ZNF215: variants seen among roughly 807,000 people sequenced by gnomAD.
The protein encoded by ZNF215 is BWSCR2-associated zinc finger protein 2.
In ZNF215, 24 loss-of-function variants were observed where a neutral mutation model predicts 27.2. The ratio of observed to expected loss-of-function variants is 0.88; its 90% CI spans 0.64 to 1.24. ZNF215 has a LOEUF of 1.24. Among genes scored for constraint, ZNF215 ranks in the 50% most tolerant of loss-of-function variants. The pLI is 0.00. For synonymous variants in ZNF215, 210 were observed against 204.0 expected (o/e 1.03, Z -0.25); for missense variants, 675 against 605.7 (o/e 1.11, Z -1.20).
chr11:6,967,694 T>G (rs1850650552), intron 5 of ZNF215, among the ~76,000 whole-genome samples: 1 of 152,196 alleles, frequency 6.6e-6, no homozygotes, highest in South Asian at 2.1e-4. Context: ...TTAGCCCTTT[T>G]TCAGGTGAAT....
At chr11:6,974,601 C>A (rs1290280374) in intron 5 of ZNF215, among the ~76,000 whole-genome samples, 1 of 152,014 alleles carries the variant, frequency 6.6e-6, no homozygotes, top group Non-Finnish European at 1.5e-5. Flanking sequence ...TTGAAGAGGT[C>A]CTTCACATCC....
intron 3 of ZNF215, among the ~76,000 whole-genome samples, chr11:6,939,507 A>G (rs1323690324): frequency 6.6e-6 from 1 of 152,232 alleles, no homozygotes; most frequent in Non-Finnish European, 1.5e-5. Flanking sequence ...ATATTTTTGC[A>G]TGAGAGAAAA....
At chr11:6,937,946 A>G (rs1225683351) in intron 3 of ZNF215, among the ~76,000 whole-genome samples, 1 of 151,948 alleles carries the variant, frequency 6.6e-6, no homozygotes, top group African/African-American at 2.4e-5. Context: ...TTGGTAATCA[A>G]TGCTTAGCTA....
chr11:6,977,842 C>T (rs944633432), intron 5 of ZNF215, among the ~76,000 whole-genome samples: 4 of 151,964 alleles, frequency 2.6e-5, no homozygotes, highest in Non-Finnish European at 1.5e-5. Context: ...GAGGGCAGAG[C>T]CCTAATGACC....
downstream of ZNF215, among the ~76,000 whole-genome samples, chr11:6,991,376 C>T (rs11041126): frequency 1.3e-5 from 2 of 152,242 alleles, no homozygotes; most frequent in East Asian, 1.9e-4. Flanking sequence ...TCTGGTTTCC[C>T]TAAGACACTG....
intron 3 of ZNF215, 125 bp downstream of exon 3, chr11:6,932,797 G>A (rs1849311883): frequency 1.4e-5 from 13 of 896,848 alleles, no homozygotes; most frequent in South Asian, 1.3e-4. Context: ...ACTCTATTAG[G>A]AAGCCTTGAC....
chr11:6,933,283 G>A (rs1849324346), intron 3 of ZNF215, among the ~76,000 whole-genome samples: 1 of 152,176 alleles, frequency 6.6e-6, no homozygotes, highest in South Asian at 2.1e-4. Flanking sequence ...ACATGTACTG[G>A]CCTGCATGAG....
downstream of ZNF215, among the ~76,000 whole-genome samples, chr11:6,959,490 A>C (rs1850470908): frequency 6.6e-6 from 1 of 152,230 alleles, no homozygotes; most frequent in African/African-American, 2.4e-5. Flanking sequence ...ACTCCAAAGG[A>C]GGAGAAAATC....
downstream of ZNF215, among the ~76,000 whole-genome samples, chr11:6,993,684 C>G (rs1034649631): frequency 2.0e-5 from 3 of 151,878 alleles, no homozygotes; most frequent in African/African-American, 7.3e-5. Context: ...ATTTTTTGTT[C>G]TTTCTTATGC....
chr11:6,955,870 A>G lies in ZNF215; in HGVS notation c.893A>G (p.Glu298Gly). The G allele has an allele frequency of 6.2e-7, 1 of 1,610,818 alleles. No individual in the cohort carries two copies. Among genetic ancestry groups the G allele is most frequent in the African/African-American group, 1.3e-5 (1 of 74,732 alleles). The stretch of plus-strand genomic sequence containing the variant: ...ATTCCTGAGACAATTTACACTGAGG[A>G]GGAAGATTTTGAATGTAGTGAAAAT... ...AFIPETIYTE[E>G]EDFECSENKK... Residue 298 changes from glutamate (E) to glycine (G), a missense_variant, in exon 7 of 7, where the codon GAG becomes GGG. Transcript: ENST00000278319.
chr11:6,933,951 G>T (rs1297497406), intron 3 of ZNF215, among the ~76,000 whole-genome samples: 3 of 152,154 alleles, frequency 2.0e-5, no homozygotes, highest in Non-Finnish European at 4.4e-5. Context: ...GAGGAGTATG[G>T]CAAAGTGATA....
At chr11:6,940,230 TAA>T (rs749709865) in intron 3 of ZNF215, among the ~76,000 whole-genome samples, 33 of 133,184 alleles carry the variant, frequency 2.5e-4, no homozygotes, top group Non-Finnish European at 2.5e-4. Flanking sequence ...AGACCCTCTT[TAA>T]AAAAAAAAAA....
At chr11:6,994,305 T>A (rs1234178420) in intron 6 of ZNF215, among the ~76,000 whole-genome samples, 1 of 152,128 alleles carries the variant, frequency 6.6e-6, no homozygotes, top group African/African-American at 2.4e-5. Context: ...AATCTTACCC[T>A]CTGGTGAATC....
At chr11:6,949,786 T>C (rs572137900) in intron 6 of ZNF215, among the ~76,000 whole-genome samples, 85 of 152,334 alleles carry the variant, frequency 5.6e-4, no homozygotes, top group South Asian at 4.6e-3. Context: ...CTTTTGGTGT[T>C]TTAGACATGA....
chr11:6,965,357 A>G (rs1305761055), intron 5 of ZNF215, among the ~76,000 whole-genome samples: 1 of 152,166 alleles, frequency 6.6e-6, no homozygotes, highest in Non-Finnish European at 1.5e-5. Context: ...AAACACGTGT[A>G]TAAAAGATGT....
In ZNF215 at chr11:6,941,428, G is replaced by A. The variant is rs913457841; in HGVS notation, c.401-143G>A. 22 of 632,612 alleles carry A rather than the reference G, an allele frequency of 3.5e-5. No homozygotes were observed. In the Admixed American group the frequency reaches 5.6e-4, roughly 16 times the overall value. The allele number at this position is 632,612 out of a possible 1,614,324, so 39.2% of individuals were successfully genotyped here. On this transcript the variant is annotated intron_variant, in intron 3 of 6. Transcript: ENST00000278319. ...GATCTAGGCCTGACCTTTGAAGATT[G>A]TGATTGCTGGCAGGGCCTGACATTA...
At chr11:6,941,454 T>C in intron 3 of ZNF215, 117 bp from the exon 4 acceptor site, 1 of 844,594 alleles carries the variant, frequency 1.2e-6, no homozygotes, top group Non-Finnish European at 1.8e-6. Context: ...CCTGACATTA[T>C]TTTTTTCAAA....
intron 5 of ZNF215, among the ~76,000 whole-genome samples, chr11:6,982,570 A>G (rs529592998): frequency 7.1e-4 from 108 of 152,276 alleles, no homozygotes; most frequent in Non-Finnish European, 1.1e-3. Flanking sequence ...TCAGACCACA[A>G]TGCAATCAAA....
intron 5 of ZNF215, among the ~76,000 whole-genome samples, chr11:6,973,237 T>C (rs1850757957): frequency 6.6e-6 from 1 of 152,222 alleles, no homozygotes; most frequent in Non-Finnish European, 1.5e-5. Flanking sequence ...CATCATTTTT[T>C]ATGGCTGCAT....
Sources: gnomAD v4.1 joint callset for allele counts (sites outside exome capture counted in the v4.1 genomes callset) on GRCh38, gnomAD v4.1.1 for gene constraint, MANE v1.5 for transcripts, NCBI Gene and HGNC (gene_info 2026-07-23, HGNC 2026-07-21) for gene names.